Variants in STXBP5L observed in about 807,000 individuals in gnomAD.
STXBP5L encodes syntaxin-binding protein 5-like.
Under a neutral mutation model 144.5 loss-of-function variants are expected in STXBP5L, and 65 were observed. That is an observed-to-expected ratio of 0.45 (90% CI 0.37 to 0.55). The LOEUF (loss-of-function observed/expected upper bound fraction) is 0.55. Ranked by LOEUF, STXBP5L falls within the 20% of genes least tolerant of loss-of-function variation. The probability of loss-of-function intolerance (pLI) is 0.00; values close to 1 mark genes in which losing one functional copy is unlikely to be tolerated. For synonymous variants in STXBP5L, 505 were observed against 469.6 expected (o/e 1.08, Z -0.97); for missense variants, 1,298 against 1,405.5 (o/e 0.92, Z 1.22).
chr3:120,997,620 G>T (rs1458103605), intron 3 of STXBP5L, among the ~76,000 whole-genome samples: 1 of 151,998 alleles, frequency 6.6e-6, no homozygotes, highest in African/African-American at 2.4e-5. Flanking sequence ...TTTTTAGTGG[G>T]GTTGTTTGTT....
intron 3 of STXBP5L, among the ~76,000 whole-genome samples, chr3:120,960,874 C>T (rs894470595): frequency 2.0e-5 from 3 of 151,382 alleles, no homozygotes; most frequent in Non-Finnish European, 4.4e-5. Flanking sequence ...CAAACCTGCA[C>T]GTTGTGCACA....
At chr3:121,329,930 G>C (rs906968153) in intron 20 of STXBP5L, among the ~76,000 whole-genome samples, 1 of 151,980 alleles carries the variant, frequency 6.6e-6, no homozygotes, top group South Asian at 2.1e-4. Context: ...TCTACATAAA[G>C]ATACACTTAT....
At chr3:121,338,497 AG>A (rs2044585453) in intron 20 of STXBP5L, among the ~76,000 whole-genome samples, 1 of 149,952 alleles carries the variant, frequency 6.7e-6, no homozygotes, top group Non-Finnish European at 1.5e-5. Flanking sequence ...TACAAAAATT[AG>A]CTGGGGGTGG....
At position 121,004,979 on chromosome 3, in the gene STXBP5L, C is replaced by T. The variant is rs141754883; in HGVS notation, c.288-36721C>T. Among the ~76,000 whole-genome samples the T allele has an allele frequency of 1.3e-3, 197 of 152,224 alleles. 1 individual carries two copies. Among genetic ancestry groups the T allele is most frequent in the Non-Finnish European group, 1.3e-4 (9 of 68,020 alleles). On this transcript the variant is annotated intron_variant, in intron 3 of 26. Coordinates refer to ENST00000471454, the MANE Select transcript of STXBP5L (RefSeq NM_001308330.2). ...AGTATTTTGTTGAGGATTTTTGCAT[C>T]GATGTTCATCAGGGATGTTGGTCTA...
chr3:121,355,217 A>G (rs1438808284), intron 20 of STXBP5L, among the ~76,000 whole-genome samples: 1 of 152,086 alleles, frequency 6.6e-6, no homozygotes. Context: ...ATATTTCCTG[A>G]ATTTGAATGT....
At chr3:120,985,377 C>T (rs996515358) in intron 3 of STXBP5L, among the ~76,000 whole-genome samples, 4 of 151,916 alleles carry the variant, frequency 2.6e-5, no homozygotes, top group Non-Finnish European at 4.4e-5. Flanking sequence ...ATGATTACAT[C>T]AAGCTACTTA....
At chr3:121,145,258 A>G (rs2045670942) in intron 7 of STXBP5L, among the ~76,000 whole-genome samples, 1 of 151,912 alleles carries the variant, frequency 6.6e-6, no homozygotes, top group Non-Finnish European at 1.5e-5. Flanking sequence ...AAAATAATTA[A>G]TTATGACTAG....
intron 3 of STXBP5L, among the ~76,000 whole-genome samples, chr3:121,035,938 T>A (rs1346636592): frequency 6.6e-6 from 1 of 152,184 alleles, no homozygotes; most frequent in East Asian, 1.9e-4. Context: ...TCTTAAAACA[T>A]CTTTTGTTAA....
intron 5 of STXBP5L, among the ~76,000 whole-genome samples, chr3:121,072,180 A>G (rs2107664735): frequency 6.6e-6 from 1 of 152,284 alleles, no homozygotes; most frequent in South Asian, 2.1e-4. Flanking sequence ...TTACTTCCTG[A>G]GCTTTCTCTT....
intron 20 of STXBP5L, among the ~76,000 whole-genome samples, chr3:121,339,766 C>T (rs1339894235): frequency 2.0e-5 from 3 of 151,296 alleles, no homozygotes; most frequent in Non-Finnish European, 4.4e-5. Context: ...ATGCCAACAA[C>T]GACCAAGCTG....
intron 2 of STXBP5L, among the ~76,000 whole-genome samples, chr3:120,918,577 G>T (rs1709214830): frequency 6.6e-6 from 1 of 152,166 alleles, no homozygotes; most frequent in Non-Finnish European, 1.5e-5. Flanking sequence ...TTACAGAGCA[G>T]ATAAGCACTT....
chr3:121,219,045 G>A (rs887640502), intron 10 of STXBP5L, among the ~76,000 whole-genome samples: 5 of 152,026 alleles, frequency 3.3e-5, no homozygotes, highest in Non-Finnish European at 7.4e-5. Context: ...ATACAACTAT[G>A]TGTAAATTAA....
intron 7 of STXBP5L, among the ~76,000 whole-genome samples, chr3:121,139,142 T>A (rs1005656823): frequency 5.9e-5 from 9 of 151,922 alleles, no homozygotes; most frequent in Non-Finnish European, 1.2e-4. Context: ...TACATCTATA[T>A]GGAAAGAATG....
intron 5 of STXBP5L, among the ~76,000 whole-genome samples, chr3:121,081,954 C>A (rs1380898831): frequency 6.6e-6 from 1 of 152,126 alleles, no homozygotes; most frequent in Admixed American, 6.6e-5. Context: ...TTTCAAGATT[C>A]TTTATTTTTT....
chr3:121,349,938 G>A (rs1201509817), intron 20 of STXBP5L, among the ~76,000 whole-genome samples: 1 of 152,018 alleles, frequency 6.6e-6, no homozygotes, highest in Non-Finnish European at 1.5e-5. Flanking sequence ...TCTTTTATTT[G>A]GAGCATTTAG....
intron 2 of STXBP5L, among the ~76,000 whole-genome samples, chr3:120,916,000 A>C (rs1709082827): frequency 6.6e-6 from 1 of 152,166 alleles, no homozygotes; most frequent in African/African-American, 2.4e-5. Context: ...TACACCTTTA[A>C]AAATAATTAA....
chr3:120,982,164 A>C (rs1941840685), intron 3 of STXBP5L, among the ~76,000 whole-genome samples: 1 of 152,184 alleles, frequency 6.6e-6, no homozygotes, highest in Non-Finnish European at 1.5e-5. Flanking sequence ...TCTATGTGTA[A>C]GAGTGGCTGT....
At chr3:121,317,943 T>C (rs945545355) in intron 19 of STXBP5L, among the ~76,000 whole-genome samples, 2 of 152,112 alleles carry the variant, frequency 1.3e-5, no homozygotes, top group South Asian at 2.1e-4. Context: ...AATAATCATA[T>C]CTCCTGAGAG....
At chr3:121,233,288 T>A (rs2049365572) in intron 11 of STXBP5L, among the ~76,000 whole-genome samples, 3 of 152,182 alleles carry the variant, frequency 2.0e-5, no homozygotes, top group Admixed American at 2.0e-4. Flanking sequence ...ATACAAAGGT[T>A]ATGGAAGAAT....
Sources: gnomAD v4.1 joint callset for allele counts (sites outside exome capture counted in the v4.1 genomes callset) on GRCh38, gnomAD v4.1.1 for gene constraint, MANE v1.5 for transcripts, NCBI Gene and HGNC (gene_info 2026-07-23, HGNC 2026-07-21) for gene names.